Variants in DAB1 observed in about 807,000 individuals in gnomAD.
The protein encoded by DAB1 is DAB adaptor protein 1.
In DAB1, 15 loss-of-function variants were observed where a neutral mutation model predicts 64.6. The observed-to-expected ratio is 0.23, with a 90% CI of 0.16 to 0.36. DAB1 has a LOEUF of 0.36. Among genes scored for constraint, DAB1 ranks in the 10% least tolerant of loss-of-function variants. The probability of loss-of-function intolerance (pLI) is 1.00; values close to 1 mark genes in which losing one functional copy is unlikely to be tolerated. For missense variants in DAB1, 596 were observed against 706.7 expected, an observed-to-expected ratio of 0.84 and a Z score of 1.78; for synonymous variants, 235 against 251.9, an observed-to-expected ratio of 0.93 and a Z score of 0.64.
chr1:57,110,511 C>A (rs1020251107), intron 4 of DAB1, among the ~76,000 whole-genome samples: 5 of 152,194 alleles, frequency 3.3e-5, no homozygotes, highest in East Asian at 3.8e-4. Flanking sequence ...CTCTGAAATT[C>A]TATAATGTTG....
intron 6 of DAB1, among the ~76,000 whole-genome samples, chr1:57,764,152 A>C (rs1434917462): frequency 6.6e-6 from 1 of 152,200 alleles, no homozygotes; most frequent in Non-Finnish European, 1.5e-5. Flanking sequence ...ACACTGAAAG[A>C]GCTCAAAGAA....
intron 5 of DAB1, among the ~76,000 whole-genome samples, chr1:58,067,096 C>T (rs1648901990): frequency 6.6e-6 from 1 of 152,136 alleles, no homozygotes; most frequent in South Asian, 2.1e-4. Context: ...AGCATCAGAC[C>T]CTCTTGTTAT....
At chr1:57,519,716 A>G (rs1644504126) in intron 7 of DAB1, among the ~76,000 whole-genome samples, 1 of 152,190 alleles carries the variant, frequency 6.6e-6, no homozygotes, top group African/African-American at 2.4e-5. Context: ...ATTTGGGAAA[A>G]TTGCCTGAAT....
At chr1:57,440,232 C>T (rs1685890269) in intron 7 of DAB1, among the ~76,000 whole-genome samples, 2 of 152,284 alleles carry the variant, frequency 1.3e-5, no homozygotes, top group South Asian at 4.1e-4. Context: ...TGTGTTGGAG[C>T]CATTTTCACA....
At chr1:57,903,939 A>G (rs1644512699) in intron 5 of DAB1, among the ~76,000 whole-genome samples, 1 of 152,234 alleles carries the variant, frequency 6.6e-6, no homozygotes, top group Admixed American at 6.5e-5. Flanking sequence ...ATAAAATGCA[A>G]ACAAATGTAT....
At chr1:58,348,866 G>A (rs1416946403) in intron 3 of DAB1, among the ~76,000 whole-genome samples, 1 of 152,134 alleles carries the variant, frequency 6.6e-6, no homozygotes, top group Non-Finnish European at 1.5e-5. Context: ...AGACTTGGCA[G>A]GATACTTCAA....
chr1:58,067,442 T>C (rs1283403964), intron 5 of DAB1, among the ~76,000 whole-genome samples: 4 of 152,220 alleles, frequency 2.6e-5, no homozygotes, highest in African/African-American at 7.2e-5. Context: ...TCTCCTTACA[T>C]AGTTCTTGTG....
chr1:58,226,120 A>C (rs1218599545), intron 4 of DAB1, among the ~76,000 whole-genome samples: 3 of 152,062 alleles, frequency 2.0e-5, no homozygotes, highest in Non-Finnish European at 4.4e-5. Context: ...CAGCAACTGG[A>C]ATTCTAGCTC....
At chr1:58,364,875 T>C (rs187578161) in intron 3 of DAB1, among the ~76,000 whole-genome samples, 69 of 152,332 alleles carry the variant, frequency 4.5e-4, no homozygotes, top group African/African-American at 1.6e-3. Flanking sequence ...CCTAGCTGGG[T>C]TCTTCACATG....
chr1:58,098,563 G>A (rs961201711), intron 5 of DAB1, among the ~76,000 whole-genome samples: 1 of 152,134 alleles, frequency 6.6e-6, no homozygotes, highest in African/African-American at 2.4e-5. Flanking sequence ...AGGATAAATT[G>A]TGTTCCCAAA....
intron 2 of DAB1, among the ~76,000 whole-genome samples, chr1:57,279,780 T>A (rs974885469): frequency 2.6e-5 from 4 of 152,244 alleles, no homozygotes; most frequent in Non-Finnish European, 4.4e-5. Flanking sequence ...CTAGGAAATG[T>A]TTCCTTCTCA....
intron 1 of DAB1, among the ~76,000 whole-genome samples, chr1:57,393,920 G>T (rs1203841127): frequency 6.6e-6 from 1 of 152,092 alleles, no homozygotes; most frequent in East Asian, 1.9e-4. Flanking sequence ...ATGACTGAAG[G>T]CTATAGGGCA....
intron 7 of DAB1, among the ~76,000 whole-genome samples, chr1:57,516,027 C>T (rs562214705): frequency 1.3e-4 from 20 of 152,246 alleles, no homozygotes; most frequent in African/African-American, 4.6e-4. Flanking sequence ...AGTCATTTCA[C>T]GTGTATAGAC....
At chr1:58,168,824 T>C (rs147461939) in intron 4 of DAB1, among the ~76,000 whole-genome samples, 120 of 152,266 alleles carry the variant, frequency 7.9e-4, no homozygotes, top group African/African-American at 2.8e-3. Context: ...GCATAACATC[T>C]TTATAGGACA....
chr1:58,045,318 A>G (rs1008953377), intron 5 of DAB1, among the ~76,000 whole-genome samples: 1 of 152,144 alleles, frequency 6.6e-6, no homozygotes, highest in African/African-American at 2.4e-5. Flanking sequence ...CATTACTGCC[A>G]TACCGAGGGG....
At chr1:57,779,462 C>T (rs1042746560) in intron 6 of DAB1, among the ~76,000 whole-genome samples, 1 of 152,150 alleles carries the variant, frequency 6.6e-6, no homozygotes, top group African/African-American at 2.4e-5. Context: ...AGAATCATTA[C>T]AGAGATTTGT....
chr1:57,638,472 C>T (rs1264489630), intron 7 of DAB1, among the ~76,000 whole-genome samples: 4 of 152,294 alleles, frequency 2.6e-5, no homozygotes, highest in Non-Finnish European at 5.9e-5. Flanking sequence ...CCAGATCCTA[C>T]CATGCAAACC....
chr1:57,676,528 C>T (rs947044127), intron 6 of DAB1, among the ~76,000 whole-genome samples: 3 of 152,178 alleles, frequency 2.0e-5, no homozygotes, highest in East Asian at 1.9e-4. Context: ...TACAAAGAGA[C>T]ATTTGGTAAG....
At chr1:57,949,720 C>T (rs1175795210) in intron 5 of DAB1, among the ~76,000 whole-genome samples, 3 of 152,106 alleles carry the variant, frequency 2.0e-5, no homozygotes, top group Admixed American at 6.5e-5. Context: ...TACATTTTTG[C>T]AGGTAGCCAT....
Sources: gnomAD v4.1 joint callset for allele counts (sites outside exome capture counted in the v4.1 genomes callset) on GRCh38, gnomAD v4.1.1 for gene constraint, MANE v1.5 for transcripts, NCBI Gene and HGNC (gene_info 2026-07-23, HGNC 2026-07-21) for gene names.